Variants in PAK5 observed in about 807,000 individuals in gnomAD.
The protein encoded by PAK5 is p21 (RAC1) activated kinase 5, also known as serine/threonine-protein kinase PAK 5.
In PAK5, 16 loss-of-function variants were observed where a neutral mutation model predicts 65.9. That is an observed-to-expected ratio of 0.24 (90% confidence interval 0.16 to 0.37). PAK5 has a LOEUF of 0.37. Ranked by LOEUF, PAK5 falls within the 10% of genes least tolerant of loss-of-function variation. The pLI is 1.00. For synonymous variants in PAK5, 371 were observed against 354.9 expected (o/e 1.05, Z -0.51); for missense variants, 785 against 903.9 (o/e 0.87, Z 1.69).
chr20:9,831,242 A>T (rs1978691890), intron 1 of PAK5, among the ~76,000 whole-genome samples: 1 of 151,898 alleles, frequency 6.6e-6, no homozygotes, highest in South Asian at 2.1e-4. Flanking sequence ...TGTGTTTGGG[A>T]TTCCCCATCC....
At position 9,744,661 on chromosome 20, in the gene PAK5, A is replaced by G. The variant is rs1433090375; in HGVS notation, c.-161-33226T>C. 3.3e-5 allele frequency among the ~76,000 whole-genome samples: 5 copies of G among 152,312 alleles called. No individual in the cohort carries two copies. In the East Asian group the frequency reaches 7.7e-4, roughly 24 times the overall value. ...AGAAACAGCATCACAGCAGAACTTC[A>G]CATGAATGAGATGTGTGTGGTCAAC... On this transcript the variant is annotated intron_variant, in intron 1 of 9. Coordinates refer to ENST00000353224, the MANE Select transcript of PAK5 (RefSeq NM_177990.4).
intron 3 of PAK5, among the ~76,000 whole-genome samples, chr20:9,612,719 G>T (rs572132440): frequency 6.6e-6 from 1 of 152,112 alleles, no homozygotes; most frequent in South Asian, 2.1e-4. Flanking sequence ...AGGTTACAAA[G>T]ATCCAAACCA....
chr20:9,782,059 C>T (rs549364164), intron 1 of PAK5, among the ~76,000 whole-genome samples: 2 of 152,114 alleles, frequency 1.3e-5, no homozygotes, highest in East Asian at 3.9e-4. Flanking sequence ...TGATCTACTC[C>T]CCACCTCCCT....
At chr20:9,629,591 T>C (rs1214654957) in intron 3 of PAK5, among the ~76,000 whole-genome samples, 1 of 152,172 alleles carries the variant, frequency 6.6e-6, no homozygotes, top group Admixed American at 6.5e-5. Context: ...CTCAAAGCGC[T>C]GGGATTACAG....
chr20:9,646,237 T>C (rs1199483459), intron 2 of PAK5, among the ~76,000 whole-genome samples: 1 of 152,222 alleles, frequency 6.6e-6, no homozygotes, highest in Non-Finnish European at 1.5e-5. Context: ...GGTCTTCCCA[T>C]GCCTTCCAGT....
chr20:9,768,602 G>T (rs1367074039), intron 1 of PAK5, among the ~76,000 whole-genome samples: 3 of 152,040 alleles, frequency 2.0e-5, no homozygotes, highest in East Asian at 1.9e-4. Flanking sequence ...GGCCAACATG[G>T]CATAACCCTG....
At chr20:9,815,624 T>A (rs942447518) in intron 1 of PAK5, among the ~76,000 whole-genome samples, 52 of 152,268 alleles carry the variant, frequency 3.4e-4, no homozygotes, top group African/African-American at 1.1e-3. Flanking sequence ...TGTTCTGAAT[T>A]TTCTGCTTTT....
At chr20:9,593,594 C>A (rs2046212152) in intron 3 of PAK5, among the ~76,000 whole-genome samples, 1 of 152,156 alleles carries the variant, frequency 6.6e-6, no homozygotes, top group Non-Finnish European at 1.5e-5. Context: ...CCGGACAGGC[C>A]CCGGTGTGCG....
rs561173496 is a variant in PAK5, at chr20:9,683,025, C to T, written c.-12+28261G>A. ...TTAAGTAATCTGCACTCTCAGAACA[C>T]TTGGATACTAATAGTTGGGCTGATA... On this transcript the variant is annotated intron_variant, in intron 2 of 9. Transcript: ENST00000353224. Among the ~76,000 whole-genome samples, 4 of 152,354 alleles carry T rather than the reference C, an allele frequency of 2.6e-5. No homozygotes were observed. The South Asian group carries it at 8.3e-4, about 32-fold the overall frequency.
chr20:9,604,891 A>G (rs6133730), intron 3 of PAK5, among the ~76,000 whole-genome samples: 11,684 of 152,238 alleles, frequency 0.077, 567 homozygotes, highest in East Asian at 0.21. Context: ...TCTGGGATGC[A>G]GCTTTATTCA....
At chr20:9,695,831 A>T (rs6118703) in intron 2 of PAK5, among the ~76,000 whole-genome samples, 24,649 of 151,990 alleles carry the variant, frequency 0.16, 2,144 homozygotes, top group Non-Finnish European at 0.18. Context: ...TTAAATTCTA[A>T]AAAAACTTCT....
chr20:9,828,004 T>C (rs1978405475), intron 1 of PAK5, among the ~76,000 whole-genome samples: 1 of 151,992 alleles, frequency 6.6e-6, no homozygotes, highest in South Asian at 2.1e-4. Flanking sequence ...GCTAATGTTT[T>C]TTTGTATTTT....
intron 9 of PAK5, among the ~76,000 whole-genome samples, chr20:9,542,037 C>G (rs143349425): frequency 6.6e-6 from 1 of 152,248 alleles, no homozygotes; most frequent in Non-Finnish European, 1.5e-5. Context: ...TTGGGTATTT[C>G]TTTATAGTAG....
At chr20:9,823,854 G>C (rs931071075) in intron 1 of PAK5, among the ~76,000 whole-genome samples, 2 of 152,020 alleles carry the variant, frequency 1.3e-5, no homozygotes, top group Non-Finnish European at 2.9e-5. Flanking sequence ...GAAGTTAAAG[G>C]AATTACACTT....
intron 1 of PAK5, among the ~76,000 whole-genome samples, chr20:9,812,920 G>A (rs773921037): frequency 4.6e-5 from 7 of 151,728 alleles, no homozygotes; most frequent in Non-Finnish European, 1.0e-4. Flanking sequence ...AACTTCACAA[G>A]TACCCCACAA....
chr20:9,715,251 T>C (rs964012650), intron 1 of PAK5, among the ~76,000 whole-genome samples: 56 of 152,222 alleles, frequency 3.7e-4, no homozygotes, highest in Admixed American at 3.3e-3. Context: ...GAACAGACAC[T>C]TCTCAAAAGA....
intron 3 of PAK5, among the ~76,000 whole-genome samples, chr20:9,590,377 G>C (rs1448671657): frequency 1.3e-5 from 2 of 152,152 alleles, no homozygotes; most frequent in Non-Finnish European, 2.9e-5. Context: ...GAAGCCATGT[G>C]ACTCATGGGC....
Position 9,595,542 on chromosome 20 carries a change from T to C in PAK5, c.205-14612A>G, listed in dbSNP as rs1207643778. ...TTATATCTCAGATAAAGCTTAGTTATATCTTAGATAAAGCAAAACACACAC... is the reference window on the plus strand; with the variant it reads ...TTATATCTCAGATAAAGCTTAGTTACATCTTAGATAAAGCAAAACACACAC... On this transcript the variant is annotated intron_variant, in intron 3 of 9. Coordinates refer to ENST00000353224, the MANE Select transcript of PAK5 (RefSeq NM_177990.4). Among the ~76,000 whole-genome samples, 3 of 152,192 alleles carry C rather than the reference T, an allele frequency of 2.0e-5. No individual in the cohort carries two copies. In the East Asian group the frequency reaches 5.8e-4, roughly 29 times the overall value.
intron 3 of PAK5, among the ~76,000 whole-genome samples, chr20:9,626,220 TTAAAA>T (rs2046841753): frequency 6.6e-6 from 1 of 151,886 alleles, no homozygotes; most frequent in African/African-American, 2.4e-5. Flanking sequence ...ATGTGGACAC[TTAAAA>T]TAATATTGCA....
Sources: allele counts gnomAD v4.1 joint callset (sites outside exome capture counted in the v4.1 genomes callset), GRCh38; gene constraint gnomAD v4.1.1; transcripts MANE v1.5; gene names NCBI Gene and HGNC (gene_info 2026-07-23, HGNC 2026-07-21).